The following SESTD1 variants were observed in gnomAD, a reference collection of about 807,000 sequenced individuals.
SESTD1 encodes SEC14 and spectrin domain containing 1.
A neutral mutation model predicts 101.7 loss-of-function variants in SESTD1; 43 were observed. That is an observed-to-expected ratio of 0.42 (90% CI 0.33 to 0.55). The LOEUF (loss-of-function observed/expected upper bound fraction) is 0.55, where lower values mean the gene tolerates loss of function less well. Ranked by LOEUF, SESTD1 falls within the 20% of genes least tolerant of loss-of-function variation. SESTD1 has a pLI of 0.07. For missense variants in SESTD1, 647 were observed against 815.1 expected (o/e 0.79, Z 2.51); for synonymous variants, 283 against 286.8 (o/e 0.99, Z 0.13).
chr2:179,185,268 G>C (rs1041012716), intron 2 of SESTD1, among the ~76,000 whole-genome samples: 2 of 150,328 alleles, frequency 1.3e-5, no homozygotes, highest in Non-Finnish European at 3.0e-5. Flanking sequence ...ACTGCACAAA[G>C]CTATGAATAA....
intron 9 of SESTD1, among the ~76,000 whole-genome samples, chr2:179,142,040 G>T (rs1417323821): frequency 6.6e-6 from 1 of 151,998 alleles, no homozygotes; most frequent in African/African-American, 2.4e-5. Context: ...ATGACATCTT[G>T]ATGCTCTAAT....
intron 1 of SESTD1, among the ~76,000 whole-genome samples, chr2:179,245,185 A>G (rs1553532820): frequency 6.6e-6 from 1 of 151,980 alleles, no homozygotes; most frequent in Non-Finnish European, 1.5e-5. Context: ...CATGTTGGCA[A>G]CATAGCAAGA....
intron 1 of SESTD1, among the ~76,000 whole-genome samples, chr2:179,247,719 C>T (rs959128342): frequency 1.3e-4 from 19 of 151,972 alleles, no homozygotes; most frequent in African/African-American, 4.6e-4. Flanking sequence ...GGGTTATAGG[C>T]ATGAACCACC....
intron 13 of SESTD1, 65 bp downstream of exon 13, chr2:179,121,705 T>C (rs2044754946): frequency 2.2e-6 from 3 of 1,390,442 alleles, no homozygotes; most frequent in Middle Eastern, 2.5e-4. Context: ...TAAAATGTTA[T>C]ATAACTTCAT....
intron 13 of SESTD1, among the ~76,000 whole-genome samples, chr2:179,119,062 A>G (rs2044694625): frequency 6.6e-6 from 1 of 152,338 alleles, no homozygotes; most frequent in African/African-American, 2.4e-5. Flanking sequence ...AGAAGATAAA[A>G]TTATGCAAGA....
chr2:179,198,603 A>C (rs1048649516), intron 1 of SESTD1, among the ~76,000 whole-genome samples: 2 of 151,704 alleles, frequency 1.3e-5, no homozygotes, highest in African/African-American at 4.8e-5. Flanking sequence ...ATAACAAACT[A>C]TCTCTCAGAC....
intron 5 of SESTD1, among the ~76,000 whole-genome samples, chr2:179,159,512 A>G (rs1353425429): frequency 6.6e-6 from 1 of 152,212 alleles, no homozygotes; most frequent in East Asian, 1.9e-4. Context: ...GGAATGCTGA[A>G]AAAGGAAAAC....
At position 179,224,594 on chromosome 2, in the gene SESTD1, T is replaced by C. The variant is rs368001500; in HGVS notation, c.-25-32728A>G. On this transcript the variant is annotated intron_variant, in intron 1 of 17. Coordinates refer to ENST00000428443, the MANE Select transcript of SESTD1 (RefSeq NM_178123.5). ...GGCCGGTTGCCAGGGAAATCAACCC[T>C]GTGAATAAAGAGTTGGAACTTTCAG... is the stretch of plus-strand genomic sequence containing the variant. Among the ~76,000 whole-genome samples the C allele has an allele frequency of 3.3e-5, 5 of 152,284 alleles. No individual in the cohort carries two copies. The South Asian group carries it at 6.2e-4, about 19-fold the overall frequency.
In SESTD1 at chr2:179,103,897, A is replaced by G. The variant is rs768851718; in HGVS notation, c.*6002T>C. 2 of 152,170 alleles carry G rather than the reference A, an allele frequency of 1.3e-5. No homozygotes were observed. The highest frequency in any genetic ancestry group is 1.5e-5 in the Non-Finnish European group (1 of 68,008). 9.4% of individuals were successfully genotyped at this position (152,170 alleles called of 1,614,324 possible). On this transcript the variant is annotated 3_prime_UTR_variant, in exon 18 of 18. Transcript: ENST00000428443. ...CTAATTTTATGTAAAAAAGCCAACA[A>G]TGAACTCTAGTTAATGATATGCAAT...
chr2:179,149,475 G>A (rs1265644587), intron 6 of SESTD1, 81 bp from the exon 7 acceptor site: 3 of 917,500 alleles, frequency 3.3e-6, no homozygotes, highest in African/African-American at 3.5e-5. Context: ...AAGAGTAATA[G>A]AATTGGCCAG....
intron 6 of SESTD1, 127 bp from the exon 7 acceptor site, chr2:179,149,521 A>T: frequency 3.4e-6 from 2 of 580,366 alleles, no homozygotes; most frequent in Non-Finnish European, 2.9e-6. Flanking sequence ...AGTTCGTGCA[A>T]TTCTACCACC....
chr2:179,185,394 ATATAG>A (rs2046194855), intron 2 of SESTD1, among the ~76,000 whole-genome samples: 1 of 146,116 alleles, frequency 6.8e-6, no homozygotes, highest in Non-Finnish European at 1.5e-5. Flanking sequence ...CATATTGTAT[ATATAG>A]TATATGTAAT....
At chr2:179,196,223 C>A (rs2046390864) in intron 1 of SESTD1, among the ~76,000 whole-genome samples, 1 of 152,170 alleles carries the variant, frequency 6.6e-6, no homozygotes, top group African/African-American at 2.4e-5. Context: ...TGGGTCACTC[C>A]CACTCGAATC....
At chr2:179,179,798 A>C (rs1222624372) in intron 3 of SESTD1, among the ~76,000 whole-genome samples, 4 of 151,562 alleles carry the variant, frequency 2.6e-5, no homozygotes, top group Non-Finnish European at 5.9e-5. Context: ...CCATGACCTG[A>C]CTCCTGACTC....
intron 1 of SESTD1, chr2:179,263,969 C>T (rs892338005): frequency 9.8e-5 from 15 of 152,382 alleles, no homozygotes; most frequent in African/African-American, 2.6e-4. Context: ...CCCGTGTCCT[C>T]CACCCACCCG....
Position 179,117,623 on chromosome 2 carries a change from C to T in SESTD1, c.1443-10G>A, listed in dbSNP as rs1462266160. On this transcript the variant is annotated splice_polypyrimidine_tract_variant and intron_variant, in intron 13 of 17. Coordinates refer to ENST00000428443, the MANE Select transcript of SESTD1 (RefSeq NM_178123.5). Reference sequence around the variant, plus strand: ...TACCATGTCTTCACATCTAATGAACCCAAACATAAATTTAACTCATCATTT... The same window carrying T: ...TACCATGTCTTCACATCTAATGAACTCAAACATAAATTTAACTCATCATTT... The T allele has an allele frequency of 2.6e-6, 4 of 1,551,522 alleles. No individual in the cohort carries two copies. Among genetic ancestry groups the T allele is most frequent in the Non-Finnish European group, 3.5e-6 (4 of 1,157,916 alleles).
intron 5 of SESTD1, among the ~76,000 whole-genome samples, chr2:179,167,402 A>T (rs1407495894): frequency 6.6e-6 from 1 of 152,210 alleles, no homozygotes; most frequent in Admixed American, 6.5e-5. Flanking sequence ...AATTTCAAAT[A>T]TTTTATCATA....
intron 1 of SESTD1, among the ~76,000 whole-genome samples, chr2:179,244,192 C>A (rs139165490): frequency 6.6e-6 from 1 of 151,962 alleles, no homozygotes; most frequent in Admixed American, 6.6e-5. Flanking sequence ...TGTAGTGGCT[C>A]ACACCTGTAA....
intron 9 of SESTD1, among the ~76,000 whole-genome samples, chr2:179,134,610 T>A (rs1184516855): frequency 9.2e-5 from 14 of 152,220 alleles, no homozygotes; most frequent in Admixed American, 9.2e-4. Context: ...AATGTTTTTT[T>A]TTCTCTGTTT....
Sources: gnomAD v4.1 joint callset for allele counts (sites outside exome capture counted in the v4.1 genomes callset) on GRCh38, gnomAD v4.1.1 for gene constraint, MANE v1.5 for transcripts, NCBI Gene and HGNC (gene_info 2026-07-23, HGNC 2026-07-21) for gene names.